Variants in GRK5 observed in about 807,000 individuals in gnomAD.
GRK5 encodes g protein-coupled receptor kinase GRK5.
GRK5 carries 40 observed loss-of-function variants against 78.4 expected under a neutral mutation model. The ratio of observed to expected loss-of-function variants is 0.51; its 90% CI spans 0.40 to 0.66. The LOEUF is 0.66. GRK5 is among the 30% of genes least tolerant of loss of function. The probability of loss-of-function intolerance (pLI) is 0.00; values close to 1 mark genes in which losing one functional copy is unlikely to be tolerated. For synonymous variants in GRK5, 289 were observed against 296.8 expected (o/e 0.97, Z 0.27); for missense variants, 598 against 759.9 (o/e 0.79, Z 2.50).
chr10:119,424,487 A>G (rs1382597081), intron 5 of GRK5, among the ~76,000 whole-genome samples: 1 of 152,172 alleles, frequency 6.6e-6, no homozygotes, highest in Non-Finnish European at 1.5e-5. Context: ...AAAAACTCCC[A>G]GTGGCTTTGC....
intron 2 of GRK5, among the ~76,000 whole-genome samples, chr10:119,355,822 A>G: frequency 6.6e-6 from 1 of 152,162 alleles, no homozygotes; most frequent in East Asian, 1.9e-4. Flanking sequence ...TTTGGGATCT[A>G]TAATAATTTG....
chr10:119,375,953 C>T (rs564929559), intron 2 of GRK5, among the ~76,000 whole-genome samples: 2 of 152,324 alleles, frequency 1.3e-5, no homozygotes, highest in South Asian at 2.1e-4. Flanking sequence ...TCAGACTTGC[C>T]GCCACCCCAT....
intron 3 of GRK5, among the ~76,000 whole-genome samples, chr10:119,394,518 G>GGT (rs147544020): frequency 0.27 from 3,045 of 11,140 alleles, 723 homozygotes; most frequent in East Asian, 0.52. Flanking sequence ...CGTGTGTGTG[G>GGT]GTGTGTGTGG....
In GRK5 at chr10:119,454,951, C is replaced by A. The variant is rs764680888; in HGVS notation, c.1675-18C>A. On this transcript the variant is annotated intron_variant, in intron 15 of 15. Transcript: ENST00000392870. ...ACTTCTGTTCTCTCCACCCCGTCTC[C>A]CCCAACCCCAACCCCAGCATCAGAA... is the stretch of plus-strand genomic sequence containing the variant. The A allele has an allele frequency of 1.9e-6, 3 of 1,574,698 alleles. No individual in the cohort carries two copies. The East Asian group carries it at 6.7e-5, about 35-fold the overall frequency.
chr10:119,213,648 G>A lies in GRK5; in HGVS notation c.52+5679G>A, dbSNP rs149371911. 1.6e-3 allele frequency among the ~76,000 whole-genome samples: 236 copies of A among 152,078 alleles called. 1 individual carries two copies. Among genetic ancestry groups the A allele is most frequent in the African/African-American group, 5.2e-3 (216 of 41,484 alleles). ...CTAAATATTGAAAAGATGTATTTTGGGGGGGCAGAGATAATGTCATTCCTT... is the reference window on the plus strand; with the variant it reads ...CTAAATATTGAAAAGATGTATTTTGAGGGGGCAGAGATAATGTCATTCCTT... On this transcript the variant is annotated intron_variant, in intron 1 of 15. Coordinates refer to ENST00000392870, the MANE Select transcript of GRK5 (RefSeq NM_005308.3).
chr10:119,445,405 G>A lies in GRK5; in HGVS notation c.1266+1653G>A, dbSNP rs965078729. Among the ~76,000 whole-genome samples, 7 of 152,042 alleles carry A rather than the reference G, an allele frequency of 4.6e-5. No homozygotes were observed. The highest frequency in any genetic ancestry group is 6.5e-5 in the Admixed American group (1 of 15,270). On this transcript the variant is annotated intron_variant, in intron 12 of 15. Coordinates refer to ENST00000392870, the MANE Select transcript of GRK5 (RefSeq NM_005308.3). This position sits in a 1 kb window ranked among gnomAD's most constrained non-coding sequence, Gnocchi z 4.1. ...ATATGGGACGTACTAAGAGGATGAC[G>A]AGGCGGAGAGGGCCCCAGTCCCACC...
intron 11 of GRK5, 105 bp downstream of exon 11, chr10:119,442,193 A>C: frequency 4.7e-6 from 4 of 843,242 alleles, no homozygotes; most frequent in Non-Finnish European, 7.9e-6. Context: ...CTCTTCATGC[A>C]CTGCTGATCA....
At position 119,387,219 on chromosome 10, in the gene GRK5, G is replaced by A. The variant is rs115459081; in HGVS notation, c.261+6292G>A. Among the ~76,000 whole-genome samples the A allele has an allele frequency of 8.3e-3, 1,263 of 152,210 alleles. 25 individuals are homozygous for A. The highest frequency in any genetic ancestry group is 0.029 in the African/African-American group (1,201 of 41,520). ...GGGTTTCGCCATGTTGGCTGGTCTG[G>A]TCCTGAATTCCTGACCTCAAGTGAT... On this transcript the variant is annotated intron_variant, in intron 3 of 15. Coordinates refer to ENST00000392870, the MANE Select transcript of GRK5 (RefSeq NM_005308.3).
intron 1 of GRK5, among the ~76,000 whole-genome samples, chr10:119,286,883 T>G (rs1250529482): frequency 6.6e-6 from 1 of 152,222 alleles, no homozygotes; most frequent in East Asian, 1.9e-4. Context: ...AAAACTCTTT[T>G]TCTTGTCCGT....
At chr10:119,236,987 G>C (rs1165119385) in intron 1 of GRK5, among the ~76,000 whole-genome samples, 1 of 150,652 alleles carries the variant, frequency 6.6e-6, no homozygotes, top group African/African-American at 2.4e-5. Flanking sequence ...CTCATATCAA[G>C]TCCCCTTTAC....
At chr10:119,333,703 T>C in intron 2 of GRK5, 1 of 510,892 alleles carries the variant, frequency 2.0e-6, no homozygotes, top group South Asian at 1.5e-5. Context: ...TGTAAGTGTG[T>C]GCAGCGAGTT....
chr10:119,419,828 C>T (rs1852533539), intron 4 of GRK5, among the ~76,000 whole-genome samples: 1 of 152,240 alleles, frequency 6.6e-6, no homozygotes, highest in Non-Finnish European at 1.5e-5. Flanking sequence ...GACCCCAGCT[C>T]ACAATGACCC....
chr10:119,397,183 A>G (rs937249363), intron 4 of GRK5, among the ~76,000 whole-genome samples: 1 of 152,216 alleles, frequency 6.6e-6, no homozygotes, highest in South Asian at 2.1e-4. Context: ...TGGGAGGGAA[A>G]GGGGGTGCCC....
Position 119,458,067 on chromosome 10 carries a change from A to T in GRK5, c.*3000A>T, listed in dbSNP as rs1332156583. 6.6e-6 allele frequency: 1 copy of T among 152,252 alleles called. No homozygotes were observed. Among genetic ancestry groups the T allele is most frequent in the Non-Finnish European group, 1.5e-5 (1 of 68,042 alleles). 9.4% of individuals were successfully genotyped at this position (152,252 alleles called of 1,614,324 possible). A position where few individuals can be genotyped will look rare whatever the true frequency, so the allele number is the denominator to read the frequency against. ...CTGTCCACCCATCTACCTGTCCAGG[A>T]TAAGGCATATTTGGACGGTGAACGG... On this transcript the variant is annotated 3_prime_UTR_variant, in exon 16 of 16. Transcript: ENST00000392870.
chr10:119,329,024 T>C (rs1850724554), intron 2 of GRK5, among the ~76,000 whole-genome samples: 1 of 152,216 alleles, frequency 6.6e-6, no homozygotes, highest in African/African-American at 2.4e-5. Context: ...AGTTGGTGCC[T>C]GCCTCACAGG....
chr10:119,321,163 G>A (rs1420964074), intron 1 of GRK5, among the ~76,000 whole-genome samples: 1 of 152,198 alleles, frequency 6.6e-6, no homozygotes, highest in Non-Finnish European at 1.5e-5. Context: ...ATCTGAGTCA[G>A]GAAGGTTGGG....
At chr10:119,306,565 C>T (rs962261838) in intron 1 of GRK5, among the ~76,000 whole-genome samples, 8 of 152,240 alleles carry the variant, frequency 5.3e-5, no homozygotes, top group Admixed American at 2.0e-4. Flanking sequence ...GGAAGGAAGC[C>T]GGGGTCCTGG....
chr10:119,222,890 C>T (rs1015620045), intron 1 of GRK5, among the ~76,000 whole-genome samples: 5 of 152,178 alleles, frequency 3.3e-5, no homozygotes, highest in African/African-American at 4.8e-5. Flanking sequence ...CATGGGTGGC[C>T]GTGCAGGAGC....
chr10:119,379,868 G>A lies in GRK5; in HGVS notation c.149-947G>A, dbSNP rs2133830158. 6.6e-6 allele frequency among the ~76,000 whole-genome samples: 1 copy of A among 152,282 alleles called. No individual in the cohort carries two copies. Among genetic ancestry groups the A allele is most frequent in the Admixed American group, 6.5e-5 (1 of 15,292 alleles). ...ACACAGAGGCCCAGAGAGGGCAAGT[G>A]AATTGCTTGAAGTAACACAGCAAAT... On this transcript the variant is annotated intron_variant, in intron 2 of 15. Transcript: ENST00000392870. This position sits in a 1 kb window ranked among gnomAD's most constrained non-coding sequence, Gnocchi z 4.1.
Sources: gnomAD v4.1 joint callset for allele counts (sites outside exome capture counted in the v4.1 genomes callset) on GRCh38, gnomAD v4.1.1 for gene constraint, Gnocchi (gnomAD v3.1) non-coding constraint, MANE v1.5 for transcripts, NCBI Gene and HGNC (gene_info 2026-07-23, HGNC 2026-07-21) for gene names.